RIF1: variants seen among roughly 807,000 people sequenced by gnomAD.
RIF1 encodes the protein replication timing regulatory factor 1, also known as telomere-associated protein RIF1.
A neutral mutation model predicts 247.1 loss-of-function variants in RIF1; 45 were observed. That is an observed-to-expected ratio of 0.18 (90% CI 0.14 to 0.23). RIF1 has a LOEUF of 0.23. RIF1 is among the 10% of genes least tolerant of loss of function. The pLI, the probability that RIF1 is intolerant of heterozygous loss-of-function variation, is 1.00. For missense variants in RIF1, 2,967 were observed against 2,862.5 expected (o/e 1.04, Z -0.83); for synonymous variants, 1,087 against 978.8 (o/e 1.11, Z -2.06).
At position 151,478,712 on chromosome 2, in the gene RIF1, GAA is replaced by G. The variant is rs1451032783; in HGVS notation, c.*3643_*3644del. 1.3e-5 allele frequency: 2 copies of G among 152,076 alleles called. No homozygotes were observed. Among genetic ancestry groups the G allele is most frequent in the South Asian group, 2.1e-4 (1 of 4,826 alleles). 9.4% of individuals were successfully genotyped at this position (152,076 alleles called of 1,614,324 possible). A position where few individuals can be genotyped will look rare whatever the true frequency, so the allele number is the denominator to read the frequency against. ...GAATAGAGTAATTGCTTTTTAAAAA[GAA>G]AGTATAAATGGGTTAATTTTTTTCT... On this transcript the variant is annotated 3_prime_UTR_variant, in exon 36 of 36. Coordinates refer to ENST00000444746, the MANE Select transcript of RIF1 (RefSeq NM_018151.5).
At chr2:151,454,857 T>G in intron 21 of RIF1, 38 bp from the exon 22 acceptor site, 1 of 1,486,232 alleles carries the variant, frequency 6.7e-7, no homozygotes, top group Non-Finnish European at 9.1e-7. Flanking sequence ...TATTTTCAAT[T>G]TATTTGAGTT....
chr2:151,487,194 C>A (rs2051411336), intron 9 of RIF1, among the ~76,000 whole-genome samples: 1 of 152,150 alleles, frequency 6.6e-6, no homozygotes, highest in South Asian at 2.1e-4. Context: ...TATTGCATGT[C>A]ATCTTTCACT....
chr2:151,429,924 T>A (rs1689769894), intron 9 of RIF1, among the ~76,000 whole-genome samples: 1 of 152,200 alleles, frequency 6.6e-6, no homozygotes, highest in Non-Finnish European at 1.5e-5. Context: ...TAATGTTGAT[T>A]TTTATCCTAT....
chr2:151,432,744 T>C (rs994897967), intron 9 of RIF1, among the ~76,000 whole-genome samples: 7 of 152,174 alleles, frequency 4.6e-5, no homozygotes, highest in Admixed American at 3.9e-4. Context: ...GCGTCCGTAG[T>C]CTCTACTCAC....
chr2:151,469,889 A>G, intron 34 of RIF1, 25 bp downstream of exon 34: 1 of 1,526,948 alleles, frequency 6.5e-7, no homozygotes, highest in Non-Finnish European at 8.9e-7. Flanking sequence ...ATTAGCTATG[A>G]TGTATATTAA....
intron 34 of RIF1, among the ~76,000 whole-genome samples, chr2:151,471,274 T>G (rs1217301132): frequency 6.6e-6 from 1 of 152,220 alleles, no homozygotes; most frequent in African/African-American, 2.4e-5. Context: ...TATTAGCCTT[T>G]TGTCAGATGA....
rs545141346 is a variant in RIF1 at position 151,480,103 on chromosome 2, C to T, written c.*5032C>T. On this transcript the variant is annotated 3_prime_UTR_variant, in exon 36 of 36. Transcript: ENST00000444746. ...TTTTTTCTTTACATACTAAGCCTTCCTTTCTCCAAAGAACAGTTAAAACCA... is the reference window on the plus strand; with the variant it reads ...TTTTTTCTTTACATACTAAGCCTTCTTTTCTCCAAAGAACAGTTAAAACCA... The T allele has an allele frequency of 3.3e-5, 5 of 152,216 alleles. No homozygotes were observed. Among genetic ancestry groups the T allele is most frequent in the African/African-American group, 1.2e-4 (5 of 41,560 alleles). 9.4% of individuals were successfully genotyped at this position (152,216 alleles called of 1,614,324 possible).
At chr2:151,496,877 A>G (rs2060562808) in intron 10 of RIF1, 1 of 1,450,864 alleles carries the variant, frequency 6.9e-7, no homozygotes. Context: ...AATATGTATT[A>G]TTTTAAATCA....
At chr2:151,514,410 G>T in the RIF1 span, 6 of 1,611,666 alleles carry the variant, frequency 3.7e-6, no homozygotes, top group African/African-American at 8.0e-5. Context: ...CTTTCCTCTA[G>T]ATCTTTCCTG....
chr2:151,454,825 T>C, intron 21 of RIF1, 70 bp from the exon 22 acceptor site: 2 of 1,169,722 alleles, frequency 1.7e-6, no homozygotes, highest in Non-Finnish European at 2.4e-6. Flanking sequence ...AGCTATAAAT[T>C]GTAAAAGTGG....
At chr2:151,453,280 C>G (rs928603232) in intron 21 of RIF1, among the ~76,000 whole-genome samples, 9 of 151,916 alleles carry the variant, frequency 5.9e-5, no homozygotes, top group Admixed American at 4.6e-4. Flanking sequence ...TTATGTCTTT[C>G]AAAAAACAAC....
At chr2:151,522,052 A>G in the RIF1 span, among the ~76,000 whole-genome samples, 1 of 152,212 alleles carries the variant, frequency 6.6e-6, no homozygotes, top group Non-Finnish European at 1.5e-5. Context: ...CAACTCTGCA[A>G]TGCCATGTCT....
At chr2:151,491,903 T>G in intron 9 of RIF1, 1 of 973,496 alleles carries the variant, frequency 1.0e-6, no homozygotes, top group Non-Finnish European at 1.5e-6. Flanking sequence ...TTCTGGGTCA[T>G]GTCTTTTCCT....
At chr2:151,521,931 T>C in the RIF1 span, among the ~76,000 whole-genome samples, 2 of 152,192 alleles carry the variant, frequency 1.3e-5, no homozygotes, top group Non-Finnish European at 1.5e-5. Context: ...GGTTTAGGAC[T>C]CTAGGAATTC....
chr2:151,436,315 G>T (rs1419670503), intron 11 of RIF1, among the ~76,000 whole-genome samples: 2 of 152,010 alleles, frequency 1.3e-5, no homozygotes, highest in Non-Finnish European at 2.9e-5. Context: ...TGAGGTGGGA[G>T]GATCACTTGA....
intron 10 of RIF1, among the ~76,000 whole-genome samples, chr2:151,434,969 G>C (rs1005683846): frequency 4.6e-5 from 7 of 152,094 alleles, no homozygotes; most frequent in African/African-American, 1.7e-4. Context: ...TTTAATTATT[G>C]AGTTTTAAAT....
At chr2:151,513,717 A>G in the RIF1 span, 35 of 1,505,290 alleles carry the variant, frequency 2.3e-5, no homozygotes, top group African/African-American at 8.3e-5. Context: ...AAAAGAAAAA[A>G]AAAAGGTACC....
At chr2:151,434,064 C>T (rs578239178) in intron 10 of RIF1, among the ~76,000 whole-genome samples, 17 of 150,784 alleles carry the variant, frequency 1.1e-4, no homozygotes, top group South Asian at 4.2e-4. Flanking sequence ...CTCAGCTACT[C>T]GGGAGGCTGA....
chr2:151,420,312 T>C lies in RIF1; in HGVS notation c.626T>C (p.Met209Thr), dbSNP rs1006895402. ...TTGCGGGGAGCAACTGCTCTGGAGA[T>C]GGGAATGCCATTATTGCTTCAGAAA... is the stretch of plus-strand genomic sequence containing the variant. The part of the protein sequence containing the change: ...VHLRGATALE[M>T]GMPLLLQKQQ... The change falls in exon 7 of 36, where the codon ATG (methionine) becomes ACG (threonine). Residue 209 changes from methionine (M) to threonine (T), a missense_variant. Physicochemically the swap from Met to Thr is moderately conservative, Grantham distance 81. Transcript: ENST00000444746. The C allele has an allele frequency of 6.2e-7, 1 of 1,614,162 alleles. No individual in the cohort carries two copies. Among genetic ancestry groups the C allele is most frequent in the Non-Finnish European group, 8.5e-7 (1 of 1,180,020 alleles).
Sources: gnomAD v4.1 joint callset for allele counts (sites outside exome capture counted in the v4.1 genomes callset) on GRCh38, gnomAD v4.1.1 for gene constraint, MANE v1.5 for transcripts, NCBI Gene and HGNC (gene_info 2026-07-23, HGNC 2026-07-21) for gene names.